SYNE2: variants seen among roughly 807,000 people sequenced by gnomAD.
The protein encoded by SYNE2 is spectrin repeat containing nuclear envelope protein 2.
In SYNE2, 431 loss-of-function variants were observed where a neutral mutation model predicts 856.3. That is an observed-to-expected ratio of 0.50 (90% CI 0.47 to 0.55). The LOEUF (loss-of-function observed/expected upper bound fraction) is 0.55. SYNE2 is among the 20% of genes least tolerant of loss of function. The pLI, the probability that SYNE2 is intolerant of heterozygous loss-of-function variation, is 0.00. For synonymous variants in SYNE2, 2,923 were observed against 2,872.3 expected (o/e 1.02, Z -0.56); for missense variants, 8,129 against 8,023.2 (o/e 1.01, Z -0.50).
intron 9 of SYNE2, among the ~76,000 whole-genome samples, chr14:63,962,067 T>G (rs1178494118): frequency 6.6e-6 from 1 of 151,882 alleles, no homozygotes; most frequent in Non-Finnish European, 1.5e-5. Flanking sequence ...ATTTATTTAT[T>G]TATTTTTGAG....
intron 50 of SYNE2, among the ~76,000 whole-genome samples, chr14:64,063,740 A>G (rs2097335402): frequency 6.6e-6 from 1 of 152,198 alleles, no homozygotes; most frequent in Non-Finnish European, 1.5e-5. Flanking sequence ...ACCTTTCAAT[A>G]TTGTGTTGGT....
At chr14:64,212,175 A>C in intron 104 of SYNE2, 77 bp downstream of exon 104, 1 of 1,604,628 alleles carries the variant, frequency 6.2e-7, no homozygotes, top group Non-Finnish European at 8.5e-7. Context: ...TGCAAATTTC[A>C]CACGATACTC....
rs376992714 is a variant in SYNE2 at position 64,173,877 on chromosome 14, C to A, written c.17236-1067C>A. 4.6e-6 allele frequency: 3 copies of A among 655,846 alleles called. No homozygotes were observed. In the South Asian group the frequency reaches 5.0e-5, roughly 11 times the overall value. The allele number at this position is 655,846 out of a possible 1,614,324, so 40.6% of individuals were successfully genotyped here. Reference sequence around the variant, plus strand: ...TTACTTTATTTTTGTATTATAAATACCTAGTTTCAATCTCTTTAAAGAACG... The same window carrying A: ...TTACTTTATTTTTGTATTATAAATAACTAGTTTCAATCTCTTTAAAGAACG... On this transcript the variant is annotated intron_variant, in intron 94 of 115. Coordinates refer to ENST00000555002, the MANE Select transcript of SYNE2 (RefSeq NM_182914.3).
intron 1 of SYNE2, among the ~76,000 whole-genome samples, chr14:63,771,028 T>A (rs939013877): frequency 2.0e-5 from 3 of 151,576 alleles, no homozygotes; most frequent in Non-Finnish European, 2.9e-5. Context: ...ATTTTTGATG[T>A]TGGTGAGGAA....
chr14:64,164,799 A>G (rs895370701), intron 89 of SYNE2, among the ~76,000 whole-genome samples: 1 of 152,132 alleles, frequency 6.6e-6, no homozygotes, highest in African/African-American at 2.4e-5. Flanking sequence ...ATATTTATCT[A>G]TGATTCTTGA....
chr14:64,177,702 T>C (rs957229677), intron 96 of SYNE2, among the ~76,000 whole-genome samples: 2 of 152,212 alleles, frequency 1.3e-5, no homozygotes, highest in Non-Finnish European at 2.9e-5. Flanking sequence ...TTGCAAAAAC[T>C]CACTTCTTAG....
At chr14:63,902,660 C>T (rs1300319632) in intron 1 of SYNE2, among the ~76,000 whole-genome samples, 1 of 151,428 alleles carries the variant, frequency 6.6e-6, no homozygotes, top group Admixed American at 6.6e-5. Context: ...TAAATCTAGC[C>T]CTTAGCCCTC....
At chr14:64,161,172 C>T (rs1311554165) in intron 87 of SYNE2, among the ~76,000 whole-genome samples, 1 of 151,866 alleles carries the variant, frequency 6.6e-6, no homozygotes, top group Non-Finnish European at 1.5e-5. Flanking sequence ...GGTGAAACCC[C>T]ATCTCTACAA....
At chr14:64,183,521 G>A (rs77129907) in intron 96 of SYNE2, among the ~76,000 whole-genome samples, 2,030 of 152,258 alleles carry the variant, frequency 0.013, 40 homozygotes, top group African/African-American at 0.047. Context: ...GGTGGCGGCC[G>A]GGCAGAGGCT....
At chr14:64,147,652 A>G (rs1214785651) in intron 84 of SYNE2, among the ~76,000 whole-genome samples, 1 of 152,262 alleles carries the variant, frequency 6.6e-6, no homozygotes, top group Non-Finnish European at 1.5e-5. Context: ...AACATAGATT[A>G]GCAAGCAAGC....
At position 64,107,485 on chromosome 14, in the gene SYNE2, T is replaced by G. The variant is rs779368793; in HGVS notation, c.12493-6T>G. The G allele has an allele frequency of 5.6e-6, 9 of 1,612,576 alleles. No individual in the cohort carries two copies. The highest frequency in any genetic ancestry group is 7.6e-6 in the Non-Finnish European group (9 of 1,178,706). On this transcript the variant is annotated splice_polypyrimidine_tract_variant and splice_region_variant and intron_variant, in intron 64 of 115. Coordinates refer to ENST00000555002, the MANE Select transcript of SYNE2 (RefSeq NM_182914.3). ...CTTTCTGGAGCTCTGATTCTTTTCT[T>G]TACAGGAAGCATATGGGAAAATAAG...
Position 64,143,774 on chromosome 14 carries a change from G to T in SYNE2, c.15309G>T (p.Glu5103Asp). Residue 5103 changes from glutamate to aspartate, a missense_variant and splice_region_variant, in exon 83 of 116, where the codon GAG becomes GAT. Coordinates refer to ENST00000555002, the MANE Select transcript of SYNE2 (RefSeq NM_182914.3). ...GTGTTTAACTTTGCTTATTTTAGGA[G>T]TTTAGAATGGAAATGGACTATAAAC... Reference protein sequence around the residue: ...QVKHLLQKHKEFRMEMDYKQW... With the variant: ...QVKHLLQKHKDFRMEMDYKQW... 6.2e-7 allele frequency: 1 copy of T among 1,614,150 alleles called. No homozygotes were observed. The highest frequency in any genetic ancestry group is 8.5e-7 in the Non-Finnish European group (1 of 1,180,008).
chr14:63,927,237 G>A (rs1420172930), intron 2 of SYNE2, among the ~76,000 whole-genome samples: 5 of 152,210 alleles, frequency 3.3e-5, no homozygotes, highest in African/African-American at 1.2e-4. Flanking sequence ...GCATTCCAGG[G>A]TAGAGTTGAT....
chr14:64,165,712 C>T (rs960591632), intron 90 of SYNE2, among the ~76,000 whole-genome samples: 12 of 152,068 alleles, frequency 7.9e-5, no homozygotes, highest in Non-Finnish European at 1.8e-4. Context: ...TGAAGTTTTA[C>T]CATATTGGCC....
In SYNE2 at chr14:64,030,105, CAG is replaced by C. The variant is rs748864947; in HGVS notation, c.6879+47_6879+48del. The stretch of plus-strand genomic sequence containing the variant: ...ATGATAGACATTTAAAAAAAAAAAT[CAG>C]TGTTAATTACAGTGTGATTAATCAG... On this transcript the variant is annotated intron_variant, in intron 44 of 115. Transcript: ENST00000555002. The C allele has an allele frequency of 3.8e-6, 6 of 1,559,936 alleles. No homozygotes were observed. The South Asian group carries it at 5.6e-5, about 15-fold the overall frequency.
Position 64,141,476 on chromosome 14 carries a change from A to G in SYNE2, c.15112A>G (p.Thr5038Ala). The stretch of plus-strand genomic sequence containing the variant: ...TTTAGCACAGTTTGAACAAAAATGG[A>G]CAATGCTCATAACTCAACTTCCAGA... Reference protein sequence around the residue: ...ASLAQFEQKWTMLITQLPDIQ... With the variant: ...ASLAQFEQKWAMLITQLPDIQ... Residue 5038 changes from threonine (T) to alanine (A), a missense_variant, in exon 81 of 116, where the codon ACA (threonine) becomes GCA (alanine). Coordinates refer to ENST00000555002, the MANE Select transcript of SYNE2 (RefSeq NM_182914.3). 3 of 1,614,126 alleles carry G rather than the reference A, an allele frequency of 1.9e-6. No individual in the cohort carries two copies. The highest frequency in any genetic ancestry group is 8.5e-7 in the Non-Finnish European group (1 of 1,179,982).
chr14:63,806,990 C>G (rs1034523845), intron 1 of SYNE2, among the ~76,000 whole-genome samples: 1 of 151,682 alleles, frequency 6.6e-6, no homozygotes, highest in Non-Finnish European at 1.5e-5. Flanking sequence ...GCTAGGATTA[C>G]AGGTGTGAGC....
At chr14:64,190,324 T>C (rs2098512280) in intron 99 of SYNE2, 87 bp downstream of exon 99, 3 of 1,552,186 alleles carry the variant, frequency 1.9e-6, no homozygotes, top group East Asian at 2.3e-5. Flanking sequence ...TCCTCTAAGA[T>C]GATCCAGCAA....
chr14:63,826,645 A>C (rs1402953277), intron 1 of SYNE2, among the ~76,000 whole-genome samples: 22 of 152,080 alleles, frequency 1.4e-4, no homozygotes, highest in Admixed American at 1.4e-3. Flanking sequence ...CATGATATCC[A>C]CATGCGCAAG....
Sources: gnomAD v4.1 joint callset for allele counts (sites outside exome capture counted in the v4.1 genomes callset) on GRCh38, gnomAD v4.1.1 for gene constraint, MANE v1.5 for transcripts, NCBI Gene and HGNC (gene_info 2026-07-23, HGNC 2026-07-21) for gene names.